ACOT7: variants seen among roughly 807,000 people sequenced by gnomAD.
ACOT7 encodes acyl-CoA thioesterase 7, also known as cytosolic acyl coenzyme A thioester hydrolase.
ACOT7 carries 12 observed loss-of-function variants against 40.2 expected under a neutral mutation model. The observed-to-expected ratio is 0.30, with a 90% CI of 0.19 to 0.48. The LOEUF (loss-of-function observed/expected upper bound fraction) is 0.48. ACOT7 is among the 20% of genes least tolerant of loss of function. ACOT7 has a pLI of 0.99. For synonymous variants in ACOT7, 228 were observed against 219.5 expected, an observed-to-expected ratio of 1.04 and a Z score of -0.34; for missense variants, 395 against 530.8, an observed-to-expected ratio of 0.74 and a Z score of 2.51.
In ACOT7 at chr1:6,274,188, G is replaced by A. The variant is rs1377519377; in HGVS notation, c.1014+6914C>T. 6.6e-6 allele frequency among the ~76,000 whole-genome samples: 1 copy of A among 152,186 alleles called. No individual in the cohort carries two copies. The highest frequency in any genetic ancestry group is 1.9e-4 in the East Asian group (1 of 5,188). Reference sequence around the variant, plus strand: ...CATGCTTCCTCCTAAGTGCAAAGGGGCGAGGGACCTTCCAATTACAGCATC... The same window carrying A: ...CATGCTTCCTCCTAAGTGCAAAGGGACGAGGGACCTTCCAATTACAGCATC... On this transcript the variant is annotated intron_variant, in intron 8 of 8. Transcript: ENST00000361521. This position sits in a 1 kb window ranked among gnomAD's most constrained non-coding sequence, Gnocchi z 5.9.
At chr1:6,313,670 G>A (rs1375967197) in intron 6 of ACOT7, among the ~76,000 whole-genome samples, 2 of 152,206 alleles carry the variant, frequency 1.3e-5, no homozygotes, top group South Asian at 2.1e-4. Flanking sequence ...GGGGCTGGAC[G>A]CTGATGAAGA....
At chr1:6,323,716 CAAAAAAAA>C (rs1171499592) in intron 5 of ACOT7, among the ~76,000 whole-genome samples, 13 of 69,120 alleles carry the variant, frequency 1.9e-4, no homozygotes, top group African/African-American at 5.3e-4. Context: ...AGACTTGTCT[CAAAAAAAA>C]AAAAAAAAAA....
At chr1:6,369,598 A>C (rs1642089564) in intron 1 of ACOT7, among the ~76,000 whole-genome samples, 1 of 148,922 alleles carries the variant, frequency 6.7e-6, no homozygotes, top group African/African-American at 2.5e-5. Flanking sequence ...TTTTTTTTGG[A>C]GATGGAGTCT....
intron 8 of ACOT7, among the ~76,000 whole-genome samples, chr1:6,277,309 G>A (rs982299980): frequency 6.6e-5 from 10 of 152,224 alleles, no homozygotes; most frequent in African/African-American, 2.4e-4. Flanking sequence ...AGCCGGGAGA[G>A]GGAACCGTCA....
At position 6,330,276 on chromosome 1, in the gene ACOT7, G is replaced by A. The variant is rs1640919571; in HGVS notation, c.511-2863C>T. Among the ~76,000 whole-genome samples, 1 of 152,220 alleles carries A rather than the reference G, an allele frequency of 6.6e-6. No homozygotes were observed. The highest frequency in any genetic ancestry group is 6.5e-5 in the Admixed American group (1 of 15,286). The stretch of plus-strand genomic sequence containing the variant: ...CTGTGGCCAGGCCACCAGCAGATGG[G>A]CATAAATGCCCATCGGAGCCAGGGA... On this transcript the variant is annotated intron_variant, in intron 4 of 8. Coordinates refer to ENST00000361521, the MANE Select transcript of ACOT7 (RefSeq NM_007274.4). This position sits in a 1 kb window ranked among gnomAD's most constrained non-coding sequence, Gnocchi z 4.6.
chr1:6,287,855 C>A (rs552854268), intron 7 of ACOT7, among the ~76,000 whole-genome samples: 3 of 152,324 alleles, frequency 2.0e-5, no homozygotes, highest in African/African-American at 7.2e-5. Context: ...TAAGAAAAGC[C>A]TGGAAACAGT....
At chr1:6,344,928 T>A (rs1641379607) in intron 2 of ACOT7, among the ~76,000 whole-genome samples, 1 of 152,144 alleles carries the variant, frequency 6.6e-6, no homozygotes, top group Non-Finnish European at 1.5e-5. Context: ...GGTGGCTCTG[T>A]GTGTCTGATG....
rs1641849464 is a variant in ACOT7, at chr1:6,359,873, A to G, written c.144-10007T>C. ...GCCTCTGGGCAAGTTTCACATGTTT[A>G]GTTGTGAAAGAGAAAGTTAGGGCAG... On this transcript the variant is annotated intron_variant, in intron 1 of 8. Coordinates refer to ENST00000361521, the MANE Select transcript of ACOT7 (RefSeq NM_007274.4). This position sits in a 1 kb window ranked among gnomAD's most constrained non-coding sequence, Gnocchi z 4.1. Among the ~76,000 whole-genome samples the G allele has an allele frequency of 6.6e-6, 1 of 152,172 alleles. No homozygotes were observed. Among genetic ancestry groups the G allele is most frequent in the Non-Finnish European group, 1.5e-5 (1 of 68,034 alleles).
At chr1:6,367,941 A>T (rs1028322768) in intron 1 of ACOT7, among the ~76,000 whole-genome samples, 1 of 152,216 alleles carries the variant, frequency 6.6e-6, no homozygotes, top group Non-Finnish European at 1.5e-5. Context: ...AGGTCATCCC[A>T]GTGAGTGTTC....
chr1:6,317,160 C>G (rs771836230), intron 6 of ACOT7, among the ~76,000 whole-genome samples: 2 of 152,176 alleles, frequency 1.3e-5, no homozygotes, highest in Non-Finnish European at 2.9e-5. Flanking sequence ...CTGCACCCAG[C>G]CTTCATTAAC....
rs1336212172 is a variant in ACOT7 at position 6,301,259 on chromosome 1, G to A, written c.713-6279C>T. The stretch of plus-strand genomic sequence containing the variant: ...GTTCTTCCATCCTGAAAAGCAGAAT[G>A]AGAGAATAAATGGAAGGAGTTGTAA... On this transcript the variant is annotated intron_variant, in intron 6 of 8. Transcript: ENST00000361521. This position sits in a 1 kb window ranked among gnomAD's most constrained non-coding sequence, Gnocchi z 4.1. Among the ~76,000 whole-genome samples the A allele has an allele frequency of 6.6e-6, 1 of 152,204 alleles. No homozygotes were observed. The highest frequency in any genetic ancestry group is 2.4e-5 in the African/African-American group (1 of 41,446).
At chr1:6,369,641 C>T (rs924863130) in intron 1 of ACOT7, among the ~76,000 whole-genome samples, 14 of 151,868 alleles carry the variant, frequency 9.2e-5, no homozygotes, top group African/African-American at 3.4e-4. Flanking sequence ...TGCAGTGGCA[C>T]GATCTCAGCT....
At position 6,275,400 on chromosome 1, in the gene ACOT7, T is replaced by G. The variant is rs1010393646; in HGVS notation, c.1014+5702A>C. On this transcript the variant is annotated intron_variant, in intron 8 of 8. Coordinates refer to ENST00000361521, the MANE Select transcript of ACOT7 (RefSeq NM_007274.4). This position sits in a 1 kb window ranked among gnomAD's most constrained non-coding sequence, Gnocchi z 5.6. The stretch of plus-strand genomic sequence containing the variant: ...TTTCCCTGAGTTCTTGGAACTCCCC[T>G]GGCTATGCATGAGGCAGCTCTGAAA... Among the ~76,000 whole-genome samples, 2 of 152,090 alleles carry G rather than the reference T, an allele frequency of 1.3e-5. No individual in the cohort carries two copies. The highest frequency in any genetic ancestry group is 4.8e-5 in the African/African-American group (2 of 41,416).
chr1:6,294,780 G>T lies in ACOT7; in HGVS notation c.829+84C>A, dbSNP rs1397153265. ...ACACACCAAGGCCCACATGACCCTG[G>T]GTGTGAACAGAAAACAAACTGGTGC... On this transcript the variant is annotated intron_variant, in intron 7 of 8. Transcript: ENST00000361521. This position sits in a 1 kb window ranked among gnomAD's most constrained non-coding sequence, Gnocchi z 4.6. The T allele has an allele frequency of 1.2e-5, 13 of 1,059,278 alleles. No individual in the cohort carries two copies. The highest frequency in any genetic ancestry group is 1.9e-5 in the Non-Finnish European group (13 of 691,886). The allele number at this position is 1,059,278 out of a possible 1,614,324, so 65.6% of individuals were successfully genotyped here.
intron 3 of ACOT7, among the ~76,000 whole-genome samples, chr1:6,334,529 C>G (rs779853660): frequency 4.6e-5 from 7 of 152,272 alleles, no homozygotes; most frequent in Admixed American, 6.5e-5. Flanking sequence ...ATTTTTGCCA[C>G]CCCAGGAACT....
At chr1:6,381,367 A>T (rs1009572669) in intron 1 of ACOT7, among the ~76,000 whole-genome samples, 4 of 151,918 alleles carry the variant, frequency 2.6e-5, no homozygotes, top group Non-Finnish European at 5.9e-5. Context: ...AAAAATCAGC[A>T]AACAACTTGA....
intron 6 of ACOT7, among the ~76,000 whole-genome samples, chr1:6,305,182 G>A (rs1379161709): frequency 6.7e-6 from 1 of 149,344 alleles, no homozygotes; most frequent in Non-Finnish European, 1.5e-5. Context: ...CGGATGAGGC[G>A]GCTGGCCGGG....
chr1:6,352,904 C>T lies in ACOT7; in HGVS notation c.144-3038G>A, dbSNP rs1016020243. Among the ~76,000 whole-genome samples, 2 of 150,280 alleles carry T rather than the reference C, an allele frequency of 1.3e-5. No individual in the cohort carries two copies. Among genetic ancestry groups the T allele is most frequent in the South Asian group, 2.1e-4 (1 of 4,758 alleles). On this transcript the variant is annotated intron_variant, in intron 1 of 8. Coordinates refer to ENST00000361521, the MANE Select transcript of ACOT7 (RefSeq NM_007274.4). This position sits in a 1 kb window ranked among gnomAD's most constrained non-coding sequence, Gnocchi z 4.5. ...CTATTTTGTTTGTTTTTTGAGACAGCGTCTCATTCTGTCACCCAGGCTGGA... is the reference window on the plus strand; with the variant it reads ...CTATTTTGTTTGTTTTTTGAGACAGTGTCTCATTCTGTCACCCAGGCTGGA...
At chr1:6,302,196 C>G (rs1004816369) in intron 6 of ACOT7, among the ~76,000 whole-genome samples, 6 of 152,136 alleles carry the variant, frequency 3.9e-5, no homozygotes, top group Non-Finnish European at 5.9e-5. Context: ...AAGACCTGGG[C>G]TGGCCTCATG....
Sources: allele counts gnomAD v4.1 joint callset (sites outside exome capture counted in the v4.1 genomes callset), GRCh38; gene constraint gnomAD v4.1.1; non-coding constraint Gnocchi (gnomAD v3.1); transcripts MANE v1.5; gene names NCBI Gene and HGNC (gene_info 2026-07-23, HGNC 2026-07-21).